The following SLC14A2 variants were observed in gnomAD, a reference collection of about 807,000 sequenced individuals.
SLC14A2 encodes the protein solute carrier family 14 member 2.
In SLC14A2, 91 loss-of-function variants were observed where a neutral mutation model predicts 104.6. The observed-to-expected ratio is 0.87, with a 90% CI of 0.73 to 1.04. The LOEUF (loss-of-function observed/expected upper bound fraction) is 1.04, where lower values mean the gene tolerates loss of function less well. Among genes scored for constraint, SLC14A2 ranks in the 50% least tolerant of loss-of-function variants. The probability of loss-of-function intolerance (pLI) is 0.00; values close to 1 mark genes in which losing one functional copy is unlikely to be tolerated. For missense variants in SLC14A2, 1,189 were observed against 1,156.0 expected, an observed-to-expected ratio of 1.03 and a Z score of -0.41; for synonymous variants, 476 against 466.4, an observed-to-expected ratio of 1.02 and a Z score of -0.27.
At position 45,668,519 on chromosome 18, in the gene SLC14A2, C is replaced by T. The variant is rs994501056; in HGVS notation, c.2036+42C>T. 11 of 1,609,322 alleles carry T rather than the reference C, an allele frequency of 6.8e-6. No individual in the cohort carries two copies. In the African/African-American group the frequency reaches 1.5e-4, roughly 22 times the overall value. ...AGGGTTGTGGGTTCATATCAATGGC[C>T]ACCAACCTTTTCATCCCAATCCCAT... On this transcript the variant is annotated intron_variant, in intron 15 of 19. Transcript: ENST00000255226.
chr18:45,322,897 A>G (rs771900596), intron 1 of SLC14A2, among the ~76,000 whole-genome samples: 3 of 152,218 alleles, frequency 2.0e-5, no homozygotes, highest in Non-Finnish European at 4.4e-5. Context: ...GTTATTGTCA[A>G]TGCTTGAATT....
At chr18:45,474,483 T>C (rs1333988205) in intron 1 of SLC14A2, among the ~76,000 whole-genome samples, 1 of 152,214 alleles carries the variant, frequency 6.6e-6, no homozygotes, top group Non-Finnish European at 1.5e-5. Flanking sequence ...TCTGGTATAA[T>C]TTAGCTGTGA....
At chr18:45,458,189 G>A (rs574514471) in intron 1 of SLC14A2, among the ~76,000 whole-genome samples, 95 of 152,314 alleles carry the variant, frequency 6.2e-4, no homozygotes, top group African/African-American at 2.3e-3. Flanking sequence ...AGCCCCTAGA[G>A]TGGAGCCAAC....
At chr18:45,413,638 G>A (rs766608789) in intron 1 of SLC14A2, among the ~76,000 whole-genome samples, 26 of 152,110 alleles carry the variant, frequency 1.7e-4, no homozygotes, top group Non-Finnish European at 2.6e-4. Flanking sequence ...ACTGTCTTAC[G>A]AAACATGGCT....
chr18:45,630,452 A>C (rs762846038), intron 4 of SLC14A2, among the ~76,000 whole-genome samples: 1 of 152,152 alleles, frequency 6.6e-6, no homozygotes, highest in Non-Finnish European at 1.5e-5. Flanking sequence ...AAGGTCAACA[A>C]CACCAATGCT....
intron 1 of SLC14A2, among the ~76,000 whole-genome samples, chr18:45,461,906 ATG>A (rs1322580204): frequency 1.3e-5 from 2 of 152,120 alleles, no homozygotes; most frequent in African/African-American, 4.8e-5. Flanking sequence ...GTCTGAGGTG[ATG>A]TGGGGCCTGG....
chr18:45,587,166 G>A (rs960858516), intron 2 of SLC14A2, among the ~76,000 whole-genome samples: 4 of 152,042 alleles, frequency 2.6e-5, no homozygotes, highest in African/African-American at 9.7e-5. Flanking sequence ...GTAGAGACAC[G>A]GTTTTACCAT....
chr18:45,590,971 C>G (rs2044638772), intron 2 of SLC14A2, among the ~76,000 whole-genome samples: 1 of 152,190 alleles, frequency 6.6e-6, no homozygotes, highest in African/African-American at 2.4e-5. Flanking sequence ...ACATGAGTGA[C>G]TGAGCCAGTA....
intron 2 of SLC14A2, among the ~76,000 whole-genome samples, chr18:45,556,233 G>T (rs1006064636): frequency 3.9e-5 from 6 of 152,248 alleles, no homozygotes; most frequent in Admixed American, 1.3e-4. Flanking sequence ...CCATCACCTT[G>T]AAAGTTGGGA....
intron 1 of SLC14A2, among the ~76,000 whole-genome samples, chr18:45,296,649 C>T (rs552301168): frequency 6.6e-6 from 1 of 152,258 alleles, no homozygotes; most frequent in East Asian, 1.9e-4. Flanking sequence ...TATTCCCCTG[C>T]TAGGCACCCC....
chr18:45,545,188 TAG>T (rs1404207181), intron 2 of SLC14A2, among the ~76,000 whole-genome samples: 4 of 152,254 alleles, frequency 2.6e-5, no homozygotes, highest in Admixed American at 2.6e-4. Flanking sequence ...TTTGTTTGTG[TAG>T]CATAGCATTA....
intron 2 of SLC14A2, chr18:45,529,579 A>C (rs1014175812): frequency 1.3e-5 from 2 of 152,210 alleles, no homozygotes; most frequent in Non-Finnish European, 2.9e-5. Context: ...GTTTAACTCA[A>C]ATTTCAATCC....
At chr18:45,199,410 T>C in the SLC14A2 span, among the ~76,000 whole-genome samples, 1,362 of 152,252 alleles carry the variant, frequency 8.9e-3, 20 homozygotes, top group African/African-American at 0.032. Context: ...AATTTCTCTG[T>C]CATTTTTTTT....
At chr18:45,625,562 T>A (rs2045244056) in intron 2 of SLC14A2, 121 bp from the exon 3 acceptor site, 10 of 730,828 alleles carry the variant, frequency 1.4e-5, no homozygotes, top group Non-Finnish European at 1.9e-5. Context: ...GGGCATGTGT[T>A]CCACCCTTTG....
chr18:45,260,511 T>A (rs1464262267), intron 1 of SLC14A2, among the ~76,000 whole-genome samples: 1 of 152,176 alleles, frequency 6.6e-6, no homozygotes, highest in Non-Finnish European at 1.5e-5. Flanking sequence ...TATGCACTCA[T>A]ATGTTCATTG....
chr18:45,225,441 G>T (rs2084105689), intron 1 of SLC14A2, among the ~76,000 whole-genome samples: 1 of 152,116 alleles, frequency 6.6e-6, no homozygotes, highest in African/African-American at 2.4e-5. Flanking sequence ...CTCCAGCTTT[G>T]TTCTTTTGGC....
intron 1 of SLC14A2, among the ~76,000 whole-genome samples, chr18:45,305,704 T>TC (rs1440512007): frequency 8.5e-5 from 13 of 152,182 alleles, no homozygotes; most frequent in Non-Finnish European, 1.9e-4. Flanking sequence ...AAGATGGTTT[T>TC]TTTTTCCCCT....
At chr18:45,436,501 C>T (rs2086598904) in intron 1 of SLC14A2, 1 of 152,228 alleles carries the variant, frequency 6.6e-6, no homozygotes, top group Admixed American at 6.5e-5. Flanking sequence ...AAACAGTCTT[C>T]ATTCCCTTTC....
intron 19 of SLC14A2, among the ~76,000 whole-genome samples, chr18:45,679,282 C>T (rs1233737286): frequency 2.0e-5 from 3 of 152,218 alleles, no homozygotes; most frequent in Non-Finnish European, 4.4e-5. Context: ...GGAGCATTAT[C>T]TTGTAAATCA....
Sources: allele counts gnomAD v4.1 joint callset (sites outside exome capture counted in the v4.1 genomes callset), GRCh38; gene constraint gnomAD v4.1.1; transcripts MANE v1.5; gene names NCBI Gene and HGNC (gene_info 2026-07-23, HGNC 2026-07-21).